Variants in SNTG2 observed in about 807,000 individuals in gnomAD.
The protein encoded by SNTG2 is syntrophin gamma 2.
SNTG2 carries 74 observed loss-of-function variants against 70.9 expected under a neutral mutation model. The ratio of observed to expected loss-of-function variants is 1.04; its 90% CI spans 0.86 to 1.27. SNTG2 has a LOEUF of 1.27. SNTG2 is among the 50% of genes most tolerant of loss of function. SNTG2 has a pLI of 0.00. For missense variants in SNTG2, 717 were observed against 690.7 expected, an observed-to-expected ratio of 1.04 and a Z score of -0.43; for synonymous variants, 278 against 273.8, an observed-to-expected ratio of 1.02 and a Z score of -0.15.
At chr2:1,221,500 T>C (rs1361295802) in intron 9 of SNTG2, among the ~76,000 whole-genome samples, 1 of 10,896 alleles carries the variant, frequency 9.2e-5, no homozygotes, top group Non-Finnish European at 2.0e-4. Context: ...TCTCTCTCTG[T>C]CTCTCTCTCT....
intron 16 of SNTG2, among the ~76,000 whole-genome samples, chr2:1,322,118 C>T (rs1681559599): frequency 6.6e-6 from 1 of 152,196 alleles, no homozygotes; most frequent in South Asian, 2.1e-4. Context: ...CATCCAGAAA[C>T]ACAATATTCA....
chr2:1,347,750 A>C (rs958416056), intron 16 of SNTG2, among the ~76,000 whole-genome samples: 2 of 152,240 alleles, frequency 1.3e-5, no homozygotes, highest in Non-Finnish European at 2.9e-5. Context: ...TGAAGAATTT[A>C]TCAGTCCCAG....
chr2:999,333 G>A (rs542791905), intron 1 of SNTG2, among the ~76,000 whole-genome samples: 11 of 152,168 alleles, frequency 7.2e-5, no homozygotes, highest in African/African-American at 2.6e-4. Context: ...TCACTTAAAT[G>A]ATGCAGATTG....
chr2:1,236,994 G>A (rs1023529088), intron 9 of SNTG2, among the ~76,000 whole-genome samples: 1 of 151,264 alleles, frequency 6.6e-6, no homozygotes, highest in Non-Finnish European at 1.5e-5. Context: ...CCAGGCTGGA[G>A]TGCAGTGGTG....
chr2:1,208,530 G>C lies in SNTG2; in HGVS notation c.592-573G>C, dbSNP rs1053919234. On this transcript the variant is annotated intron_variant, in intron 8 of 16. Coordinates refer to ENST00000308624, the MANE Select transcript of SNTG2 (RefSeq NM_018968.4). Reference sequence around the variant, plus strand: ...TGTTGGACTCTTGCGGGGCTGCTGCGTGGTGCTGTGGTGGTTGCATGGCTC... The same window carrying C: ...TGTTGGACTCTTGCGGGGCTGCTGCCTGGTGCTGTGGTGGTTGCATGGCTC... 2.6e-5 allele frequency among the ~76,000 whole-genome samples: 4 copies of C among 152,142 alleles called. No homozygotes were observed. In the East Asian group the frequency reaches 7.7e-4, roughly 29 times the overall value.
intron 1 of SNTG2, among the ~76,000 whole-genome samples, chr2:1,048,549 A>C (rs1661876529): frequency 6.6e-6 from 1 of 152,116 alleles, no homozygotes. Context: ...TCGCTGTGTG[A>C]GGATGCCAAC....
At chr2:1,181,710 C>CT (rs1553348773) in intron 8 of SNTG2, among the ~76,000 whole-genome samples, 2 of 72,530 alleles carry the variant, frequency 2.8e-5, no homozygotes, top group South Asian at 9.8e-4. Context: ...TTACTAACTA[C>CT]TGCTTTCCTA....
intron 1 of SNTG2, among the ~76,000 whole-genome samples, chr2:970,426 A>G (rs1440874734): frequency 3.5e-5 from 3 of 86,628 alleles, no homozygotes; most frequent in Non-Finnish European, 6.8e-5. Context: ...CCCTCCCCCC[A>G]CCCCACAACA....
intron 14 of SNTG2, among the ~76,000 whole-genome samples, chr2:1,273,618 C>T (rs991134039): frequency 1.0e-4 from 15 of 146,716 alleles, no homozygotes; most frequent in Admixed American, 2.0e-4. Context: ...AACTTTGACT[C>T]ATTATATACA....
intron 4 of SNTG2, among the ~76,000 whole-genome samples, chr2:1,132,835 C>T (rs1040726062): frequency 2.0e-5 from 3 of 152,220 alleles, no homozygotes; most frequent in African/African-American, 2.4e-5. Flanking sequence ...CTCCCAGGGC[C>T]CCATGCCCTG....
intron 2 of SNTG2, among the ~76,000 whole-genome samples, chr2:1,096,292 A>G (rs1665384201): frequency 6.6e-6 from 1 of 152,178 alleles, no homozygotes; most frequent in Non-Finnish European, 1.5e-5. Context: ...CACACTACAA[A>G]CAAGCTAATA....
chr2:1,138,179 C>T (rs866665748), intron 6 of SNTG2, among the ~76,000 whole-genome samples: 9 of 152,214 alleles, frequency 5.9e-5, no homozygotes, highest in Admixed American at 3.9e-4. Flanking sequence ...CTCCCCGTAC[C>T]GCCCGGGCGC....
chr2:1,191,030 C>T (rs1363832255), intron 8 of SNTG2, among the ~76,000 whole-genome samples: 1 of 152,126 alleles, frequency 6.6e-6, no homozygotes, highest in Non-Finnish European at 1.5e-5. Flanking sequence ...TTCACTGAAG[C>T]TAGAATCAGG....
At chr2:1,339,253 C>A (rs962381603) in intron 16 of SNTG2, among the ~76,000 whole-genome samples, 2 of 152,240 alleles carry the variant, frequency 1.3e-5, no homozygotes, top group Middle Eastern at 3.4e-3. Flanking sequence ...TTGATAAATT[C>A]TGGACATTAA....
Position 1,177,653 on chromosome 2 carries a change from C to T in SNTG2, c.591+4470C>T, listed in dbSNP as rs116287480. Among the ~76,000 whole-genome samples, 506 of 151,790 alleles carry T rather than the reference C, an allele frequency of 3.3e-3. 5 individuals are homozygous for T. Among genetic ancestry groups the T allele is most frequent in the African/African-American group, 0.012 (478 of 41,372 alleles). ...ATTCCTGTTTAAAATTCTATAATAC[C>T]CAGCAAACGTGCTTCAAAAGAAAAA... On this transcript the variant is annotated intron_variant, in intron 8 of 16. Transcript: ENST00000308624.
intron 16 of SNTG2, among the ~76,000 whole-genome samples, chr2:1,322,031 C>A (rs1014721689): frequency 6.6e-6 from 1 of 152,016 alleles, no homozygotes; most frequent in Admixed American, 6.6e-5. Context: ...TCGATTCATT[C>A]CAGAAAAATG....
At chr2:1,036,388 A>T (rs1189608995) in intron 1 of SNTG2, among the ~76,000 whole-genome samples, 4 of 152,196 alleles carry the variant, frequency 2.6e-5, no homozygotes, top group Non-Finnish European at 5.9e-5. Flanking sequence ...GAAGAATTCA[A>T]CTATAATCAG....
chr2:1,044,116 G>A (rs770667417), intron 1 of SNTG2, among the ~76,000 whole-genome samples: 10 of 151,926 alleles, frequency 6.6e-5, no homozygotes, highest in Non-Finnish European at 8.8e-5. Flanking sequence ...ATTGTAGGGA[G>A]CTTTCACCAC....
intron 4 of SNTG2, among the ~76,000 whole-genome samples, chr2:1,110,483 G>GCCTC (rs1196945637): frequency 6.6e-6 from 1 of 152,042 alleles, no homozygotes; most frequent in Non-Finnish European, 1.5e-5. Flanking sequence ...CTTCTCCTCT[G>GCCTC]CCTCCCTCCC....
Sources: gnomAD v4.1 joint callset for allele counts (sites outside exome capture counted in the v4.1 genomes callset) on GRCh38, gnomAD v4.1.1 for gene constraint, MANE v1.5 for transcripts, NCBI Gene and HGNC (gene_info 2026-07-23, HGNC 2026-07-21) for gene names.